Variants in EP400 observed in about 807,000 individuals in gnomAD.
EP400 encodes E1A binding protein p400.
In EP400, 105 loss-of-function variants were observed where a neutral mutation model predicts 354.1. The observed-to-expected ratio is 0.30, with a 90% CI of 0.25 to 0.35. The LOEUF (loss-of-function observed/expected upper bound fraction) is 0.35. EP400 is among the 10% of genes least tolerant of loss of function. The probability of loss-of-function intolerance (pLI) is 1.00; values close to 1 mark genes in which losing one functional copy is unlikely to be tolerated. For synonymous variants in EP400, 1,646 were observed against 1,716.9 expected (o/e 0.96, Z 1.02); for missense variants, 3,280 against 4,121.0 (o/e 0.80, Z 5.59).
chr12:132,022,491 G>A (rs1376610593), intron 23 of EP400, among the ~76,000 whole-genome samples: 1 of 152,138 alleles, frequency 6.6e-6, no homozygotes, highest in Non-Finnish European at 1.5e-5. Flanking sequence ...TTCTGGCATG[G>A]ATTTCTCGGG....
rs371720654 is a variant in EP400 at position 131,961,940 on chromosome 12, G to T, written c.1321G>T (p.Val441Phe). ...EEEEEEEKSE[V>F]INDEQQALAG... ...GGAAGAGGAGGAAGAAAAATCTGAG[G>T]TTATCAATGACGAGGTAAGAAACAG... Residue 441 changes from valine to phenylalanine, a missense_variant, in exon 2 of 53, where the codon GTT becomes TTT. Physicochemically the swap from Val to Phe is conservative, Grantham distance 50. Around this residue, in one of 20 missense-constraint regions of EP400, gnomAD observed 800 missense variants for 840.0 expected, o/e 0.95. Coordinates refer to ENST00000389561, the MANE Select transcript of EP400 (RefSeq NM_015409.5). 6.2e-7 allele frequency: 1 copy of T among 1,611,920 alleles called. No individual in the cohort carries two copies. Among genetic ancestry groups the T allele is most frequent in the Non-Finnish European group, 8.5e-7 (1 of 1,179,050 alleles).
intron 12 of EP400, among the ~76,000 whole-genome samples, chr12:132,003,630 T>C (rs565808126): frequency 6.6e-6 from 1 of 152,316 alleles, no homozygotes; most frequent in East Asian, 1.9e-4. Context: ...GTGGTTTGGC[T>C]TGTTTTTCCT....
chr12:131,996,034 A>C (rs187955998), intron 12 of EP400, among the ~76,000 whole-genome samples: 1 of 152,186 alleles, frequency 6.6e-6, no homozygotes, highest in African/African-American at 2.4e-5. Context: ...TGCTCTCTCT[A>C]CTCAGCCTGG....
intron 2 of EP400, among the ~76,000 whole-genome samples, chr12:131,978,540 G>A (rs900690127): frequency 2.6e-5 from 4 of 151,996 alleles, no homozygotes; most frequent in Non-Finnish European, 4.4e-5. Context: ...TAAAGATGGG[G>A]TCTCTTACTT....
chr12:132,044,157 C>A lies in EP400; in HGVS notation c.6451-20C>A. On this transcript the variant is annotated intron_variant, in intron 34 of 52. Coordinates refer to ENST00000389561, the MANE Select transcript of EP400 (RefSeq NM_015409.5). ...AGCTGCACTCCTGATCCTGAAAGTT[C>A]TTGCTGCTCTCCCCGTCAGGACGCA... is the stretch of plus-strand genomic sequence containing the variant. The A allele has an allele frequency of 6.2e-7, 1 of 1,612,022 alleles. No individual in the cohort carries two copies. The highest frequency in any genetic ancestry group is 8.5e-7 in the Non-Finnish European group (1 of 1,178,416).
chr12:132,062,430 T>G (rs538415761), intron 46 of EP400, 36 bp from the exon 47 acceptor site: 2 of 1,611,874 alleles, frequency 1.2e-6, no homozygotes, highest in Non-Finnish European at 1.7e-6. Context: ...TGGGCGAGTA[T>G]CCCTGTCCAG....
chr12:131,950,234 C>T (rs1891415155), intron 1 of EP400, among the ~76,000 whole-genome samples, 198 bp downstream of exon 1: 1 of 151,984 alleles, frequency 6.6e-6, no homozygotes, highest in Admixed American at 6.5e-5. Context: ...CTCACGGGCC[C>T]GGGTCTTTCG....
chr12:131,990,224 A>C lies in EP400; in HGVS notation c.2550+120A>C. 1 of 1,171,274 alleles carries C rather than the reference A, an allele frequency of 8.5e-7. No homozygotes were observed. The highest frequency in any genetic ancestry group is 2.4e-5 in the Admixed American group (1 of 42,380). The allele number at this position is 1,171,274 out of a possible 1,614,324, so 72.6% of individuals were successfully genotyped here. On this transcript the variant is annotated intron_variant, in intron 8 of 52. Transcript: ENST00000389561. The surrounding 1 kb of genome is among the most constrained non-coding windows in gnomAD (Gnocchi z 4.2). ...AAGCTTTCGAGCACCAGAGTCAGCAACGTGTGCACTCTCCTGGGCTGTTGC... is the reference window on the plus strand; with the variant it reads ...AAGCTTTCGAGCACCAGAGTCAGCACCGTGTGCACTCTCCTGGGCTGTTGC...
intron 31 of EP400, 42 bp from the exon 32 acceptor site, chr12:132,037,911 T>C (rs1894770304): frequency 1.2e-6 from 2 of 1,613,702 alleles, no homozygotes; most frequent in African/African-American, 2.7e-5. Flanking sequence ...AGATGCACAC[T>C]TGGACCTTGT....
intron 19 of EP400, among the ~76,000 whole-genome samples, chr12:132,016,755 G>A (rs953423061): frequency 6.6e-6 from 1 of 152,148 alleles, no homozygotes; most frequent in Non-Finnish European, 1.5e-5. Context: ...CCTCACGTCC[G>A]GCGTGGCAGA....
rs939229082 is a variant in EP400, at chr12:132,017,737, A to G, written c.4110+16A>G. On this transcript the variant is annotated intron_variant, in intron 20 of 52. Coordinates refer to ENST00000389561, the MANE Select transcript of EP400 (RefSeq NM_015409.5). The surrounding 1 kb of genome is among the most constrained non-coding windows in gnomAD (Gnocchi z 5.0). ...TTTCTGGAAGGTAAGTGGAGGATCC[A>G]GAAAGCGGAATTACTGTTGGATATC... The G allele has an allele frequency of 1.3e-6, 2 of 1,510,652 alleles. No homozygotes were observed. The highest frequency in any genetic ancestry group is 4.7e-5 in the East Asian group (2 of 42,994). 93.6% of individuals were successfully genotyped at this position (1,510,652 alleles called of 1,614,324 possible).
rs1435334154 is a variant in EP400, at chr12:132,078,575, T to A, written c.*902T>A. The A allele has an allele frequency of 6.6e-6, 1 of 152,312 alleles. No individual in the cohort carries two copies. The highest frequency in any genetic ancestry group is 1.5e-5 in the Non-Finnish European group (1 of 68,084). 9.4% of individuals were successfully genotyped at this position (152,312 alleles called of 1,614,324 possible). A position where few individuals can be genotyped will look rare whatever the true frequency, so the allele number is the denominator to read the frequency against. On this transcript the variant is annotated 3_prime_UTR_variant, in exon 53 of 53. Transcript: ENST00000389561. ...GAGGACCACGCAGAGGCAATGGTAG[T>A]ACAGATGTCACAGCTGAGGGTACGA... is the stretch of plus-strand genomic sequence containing the variant.
intron 45 of EP400, among the ~76,000 whole-genome samples, chr12:132,061,036 TG>T (rs1404381478): frequency 1.3e-5 from 2 of 151,994 alleles, no homozygotes; most frequent in Non-Finnish European, 2.9e-5. Context: ...TGTTCCCAGC[TG>T]GAAGTGGTAA....
At position 131,990,607 on chromosome 12, in the gene EP400, T is replaced by G. The variant is rs545102206; in HGVS notation, c.2551-29T>G. 265 of 1,506,688 alleles carry G rather than the reference T, an allele frequency of 1.8e-4. No homozygotes were observed. The highest frequency in any genetic ancestry group is 3.9e-4 in the Middle Eastern group (2 of 5,110). The allele number at this position is 1,506,688 out of a possible 1,614,324, so 93.3% of individuals were successfully genotyped here. A position where few individuals can be genotyped will look rare whatever the true frequency, so the allele number is the denominator to read the frequency against. ...TCTGTAATTCCCATCCTTAGTAATG[T>G]GCTTATTCATTTAATCCTTTGCATT... On this transcript the variant is annotated intron_variant, in intron 8 of 52. Coordinates refer to ENST00000389561, the MANE Select transcript of EP400 (RefSeq NM_015409.5). The surrounding 1 kb of genome is among the most constrained non-coding windows in gnomAD (Gnocchi z 4.2).
chr12:131,952,613 G>A (rs1231078019), intron 1 of EP400, among the ~76,000 whole-genome samples: 3 of 152,052 alleles, frequency 2.0e-5, no homozygotes, highest in Non-Finnish European at 1.5e-5. Flanking sequence ...GCACCACGCC[G>A]TGCTAATTTT....
chr12:131,984,704 C>CTT (rs954288416), intron 5 of EP400, among the ~76,000 whole-genome samples: 1 of 146,508 alleles, frequency 6.8e-6, no homozygotes, highest in African/African-American at 2.5e-5. Context: ...TTTATTTTAT[C>CTT]TTTTTTTTTT....
At chr12:131,972,184 GCT>G (rs1339856530) in intron 2 of EP400, among the ~76,000 whole-genome samples, 4 of 148,770 alleles carry the variant, frequency 2.7e-5, no homozygotes, top group African/African-American at 9.9e-5. Flanking sequence ...ACAGAGTCTC[GCT>G]CTGTCGCCCA....
chr12:132,045,613 G>T, intron 38 of EP400, 53 bp downstream of exon 38: 1 of 1,606,180 alleles, frequency 6.2e-7, no homozygotes, highest in Non-Finnish European at 8.5e-7. Flanking sequence ...TTTTTCTAAC[G>T]CACGTCCGTG....
chr12:132,043,036 A>G (rs745606817), intron 32 of EP400, among the ~76,000 whole-genome samples: 8 of 152,208 alleles, frequency 5.3e-5, no homozygotes, highest in Admixed American at 2.0e-4. Flanking sequence ...TGCCTGCATC[A>G]GTGCTCAGCT....
Sources: allele counts gnomAD v4.1 joint callset (sites outside exome capture counted in the v4.1 genomes callset), GRCh38; gene constraint gnomAD v4.1.1; regional missense constraint gnomAD v4.1.1; non-coding constraint Gnocchi (gnomAD v3.1); transcripts MANE v1.5; gene names NCBI Gene and HGNC (gene_info 2026-07-23, HGNC 2026-07-21).